Variants in FBN2 observed in about 807,000 individuals in gnomAD.
FBN2 encodes the protein fibrillin 2.
In FBN2, 105 loss-of-function variants were observed where a neutral mutation model predicts 355.6. The observed-to-expected ratio is 0.30, with a 90% CI of 0.25 to 0.35. The LOEUF is 0.35. Ranked by LOEUF, FBN2 falls within the 10% of genes least tolerant of loss-of-function variation. The probability of loss-of-function intolerance (pLI) is 1.00; values close to 1 mark genes in which losing one functional copy is unlikely to be tolerated. For missense variants in FBN2, 3,280 were observed against 3,758.7 expected, an observed-to-expected ratio of 0.87 and a Z score of 3.33; for synonymous variants, 1,350 against 1,301.2, an observed-to-expected ratio of 1.04 and a Z score of -0.81.
chr5:128,450,159 T>C (rs1754199863), intron 6 of FBN2, among the ~76,000 whole-genome samples: 1 of 152,112 alleles, frequency 6.6e-6, no homozygotes, highest in African/African-American at 2.4e-5. Context: ...TATATTAGAC[T>C]TGAACCATAT....
At chr5:128,291,754 A>T in intron 48 of FBN2, 100 bp from the exon 49 acceptor site, 1 of 1,102,936 alleles carries the variant, frequency 9.1e-7, no homozygotes, top group Non-Finnish European at 1.4e-6. Flanking sequence ...TTCAGACAAG[A>T]GATATTACGT....
At chr5:128,525,195 G>A (rs889981692) in intron 4 of FBN2, among the ~76,000 whole-genome samples, 56 of 152,132 alleles carry the variant, frequency 3.7e-4, no homozygotes, top group South Asian at 2.1e-4. Flanking sequence ...AAGGCAAGGC[G>A]CTTTCTTCAG....
At chr5:128,477,119 A>C (rs1051864460) in intron 5 of FBN2, among the ~76,000 whole-genome samples, 4 of 152,244 alleles carry the variant, frequency 2.6e-5, no homozygotes, top group Non-Finnish European at 4.4e-5. Flanking sequence ...GCCACTAGCC[A>C]CATGTGGTTT....
chr5:128,488,698 G>A (rs558931645), intron 5 of FBN2, among the ~76,000 whole-genome samples: 16 of 138,330 alleles, frequency 1.2e-4, no homozygotes, highest in East Asian at 8.6e-4. Flanking sequence ...TCCCCTTCCT[G>A]TGTCAGTGTG....
chr5:128,338,889 C>CTGG lies in FBN2; in HGVS notation c.3472+43_3472+44insCCA, dbSNP rs778267769. On this transcript the variant is annotated intron_variant, in intron 26 of 64. Coordinates refer to ENST00000262464, the MANE Select transcript of FBN2 (RefSeq NM_001999.4). ...GGTCATGCGCACGAATGAGTCTGTG[C>CTGG]TAGTATGGTTTCAAGCTGGCGAGGA... is the stretch of plus-strand genomic sequence containing the variant. The CTGG allele has an allele frequency of 1.9e-6, 3 of 1,608,148 alleles. No individual in the cohort carries two copies. In the South Asian group the frequency reaches 3.3e-5, roughly 18 times the overall value.
chr5:128,474,514 A>G (rs1754958247), intron 5 of FBN2, among the ~76,000 whole-genome samples: 1 of 152,196 alleles, frequency 6.6e-6, no homozygotes, highest in South Asian at 2.1e-4. Flanking sequence ...AAGGTGCTTG[A>G]ACAGATCTAA....
intron 5 of FBN2, among the ~76,000 whole-genome samples, chr5:128,515,660 G>C (rs1018064132): frequency 6.6e-6 from 1 of 152,134 alleles, no homozygotes; most frequent in Non-Finnish European, 1.5e-5. Flanking sequence ...TGAAAGTTTA[G>C]ATTTTTTGAA....
intron 21 of FBN2, 42 bp from the exon 22 acceptor site, chr5:128,350,047 A>AAG: frequency 2.0e-6 from 3 of 1,472,500 alleles, no homozygotes; most frequent in Non-Finnish European, 2.9e-6. Context: ...TTATAGAATA[A>AAG]AATACAACCA....
At chr5:128,299,560 A>G (rs1365746021) in intron 48 of FBN2, among the ~76,000 whole-genome samples, 2 of 152,248 alleles carry the variant, frequency 1.3e-5, no homozygotes, top group East Asian at 1.9e-4. Flanking sequence ...AAACCGCAGT[A>G]TTCGGGTGGA....
intron 62 of FBN2, among the ~76,000 whole-genome samples, chr5:128,270,545 C>A (rs1358836325): frequency 6.6e-6 from 1 of 151,906 alleles, no homozygotes; most frequent in African/African-American, 2.4e-5. Context: ...ATAAAAAATC[C>A]CTGAAGAAAA....
intron 4 of FBN2, among the ~76,000 whole-genome samples, chr5:128,526,782 G>C (rs1756573269): frequency 6.6e-6 from 1 of 152,104 alleles, no homozygotes; most frequent in Non-Finnish European, 1.5e-5. Context: ...TTTCCAAGAT[G>C]AAAAGAATTC....
chr5:128,354,720 A>C (rs1337690599), intron 20 of FBN2, among the ~76,000 whole-genome samples: 2 of 152,208 alleles, frequency 1.3e-5, no homozygotes, highest in Admixed American at 1.3e-4. Context: ...GGATGCTGCC[A>C]AGGTTTTAAG....
At chr5:128,372,064 T>C (rs189214866) in intron 15 of FBN2, among the ~76,000 whole-genome samples, 9 of 152,344 alleles carry the variant, frequency 5.9e-5, no homozygotes, top group Admixed American at 4.6e-4. Context: ...AGTTAACTTA[T>C]TGCGCATTTG....
Position 128,288,390 on chromosome 5 carries a change from C to T in FBN2, c.6757+48G>A, listed in dbSNP as rs780282592. 6.4e-5 allele frequency: 103 copies of T among 1,597,600 alleles called. No homozygotes were observed. The South Asian group carries it at 9.9e-4, about 15-fold the overall frequency. ...AAATAAATATTGAGACATTAAAAAA[C>T]ACTTTCTATGTCAAGAAGAAATAAT... is the stretch of plus-strand genomic sequence containing the variant. On this transcript the variant is annotated intron_variant, in intron 53 of 64. Transcript: ENST00000262464.
chr5:128,291,045 C>T (rs1431714430), intron 49 of FBN2, among the ~76,000 whole-genome samples, 161 bp from the exon 50 acceptor site: 1 of 152,078 alleles, frequency 6.6e-6, no homozygotes, highest in East Asian at 1.9e-4. Flanking sequence ...ACTGACCTGG[C>T]TATAAAATTA....
rs761227521 is a variant in FBN2, at chr5:128,369,284, C to A, written c.2146G>T (p.Val716Leu). The stretch of plus-strand genomic sequence containing the variant: ...GTCACTGCACCGGGGAAAGGACGCA[C>A]ACACACTCCTTTCTTGATTCCTCCA... ...CYGGIKKGVC[V>L]RPFPGAVTKS... Residue 716 changes from valine (V) to leucine (L), a missense_variant, in exon 16 of 65, where the codon GTG (valine) becomes TTG (leucine). By Grantham distance (32) the Val-to-Leu change is conservative (BLOSUM62 1). This residue lies in a region of FBN2 where 2,284 missense variants were observed against 2,749.5 expected (regional missense o/e 0.83). Transcript: ENST00000262464. 1 of 1,613,978 alleles carries A rather than the reference C, an allele frequency of 6.2e-7. No individual in the cohort carries two copies. Among genetic ancestry groups the A allele is most frequent in the South Asian group, 1.1e-5 (1 of 91,084 alleles).
Position 128,273,853 on chromosome 5 carries a change from T to G in FBN2, c.7827A>C (p.Gly2609=), listed in dbSNP as rs1290668389. 3 of 1,613,984 alleles carry G rather than the reference T, an allele frequency of 1.9e-6. No homozygotes were observed. The highest frequency in any genetic ancestry group is 2.5e-6 in the Non-Finnish European group (3 of 1,179,910). The change falls in exon 61 of 65, where the codon GGA becomes GGC. Residue 2609 remains glycine (G), a synonymous_variant. Transcript: ENST00000262464. ...CQRGFSLDAT[G]LNCEDVDECD... is the part of the protein sequence containing the mutation. Reference sequence around the variant, plus strand: ...AAATCAACTAACCTTCACAGTTCAGTCCGGTGGCATCAAGAGAGAACCCTC... The same window carrying G: ...AAATCAACTAACCTTCACAGTTCAGGCCGGTGGCATCAAGAGAGAACCCTC...
chr5:128,408,633 T>G (rs201464034), intron 8 of FBN2, 41 bp downstream of exon 8: 319 of 1,613,094 alleles, frequency 2.0e-4, no homozygotes, highest in Middle Eastern at 8.2e-4. Context: ...TTTGTCATTA[T>G]AAAGACCCAG....
intron 61 of FBN2, among the ~76,000 whole-genome samples, chr5:128,272,586 A>G (rs1581178905): frequency 1.3e-5 from 2 of 151,554 alleles, no homozygotes; most frequent in East Asian, 3.9e-4. Context: ...CCTAAAAAGT[A>G]CAATTATATT....
Sources: gnomAD v4.1 joint callset for allele counts (sites outside exome capture counted in the v4.1 genomes callset) on GRCh38, gnomAD v4.1.1 for gene constraint, gnomAD v4.1.1 regional missense constraint, MANE v1.5 for transcripts, NCBI Gene and HGNC (gene_info 2026-07-23, HGNC 2026-07-21) for gene names.